PNLIPRP3: variants seen among roughly 807,000 people sequenced by gnomAD.
PNLIPRP3 encodes the protein pancreatic lipase related protein 3.
PNLIPRP3 carries 58 observed loss-of-function variants against 52.8 expected under a neutral mutation model. The observed-to-expected ratio is 1.10, with a 90% CI of 0.89 to 1.37. The LOEUF (loss-of-function observed/expected upper bound fraction) is 1.37, where lower values mean the gene tolerates loss of function less well. Ranked by LOEUF, PNLIPRP3 falls within the 40% of genes most tolerant of loss-of-function variation. The pLI, the probability that PNLIPRP3 is intolerant of heterozygous loss-of-function variation, is 0.00. For synonymous variants in PNLIPRP3, 192 were observed against 185.0 expected (o/e 1.04, Z -0.31); for missense variants, 593 against 561.6 (o/e 1.06, Z -0.57).
intron 8 of PNLIPRP3, among the ~76,000 whole-genome samples, chr10:116,468,508 A>G (rs1846316122): frequency 6.6e-6 from 1 of 152,146 alleles, no homozygotes; most frequent in African/African-American, 2.4e-5. Flanking sequence ...ATCAACATAA[A>G]TATCTCTACT....
intron 1 of PNLIPRP3, among the ~76,000 whole-genome samples, chr10:116,431,934 G>T (rs1269908156): frequency 6.6e-6 from 1 of 152,028 alleles, no homozygotes; most frequent in Non-Finnish European, 1.5e-5. Flanking sequence ...AGGTCTTGAT[G>T]CAAATGCTAC....
chr10:116,474,429 G>A (rs1450626958), intron 10 of PNLIPRP3, among the ~76,000 whole-genome samples: 2 of 152,078 alleles, frequency 1.3e-5, no homozygotes, highest in Admixed American at 6.6e-5. Flanking sequence ...CAATTGCAAC[G>A]AAAGCAAAAA....
chr10:116,473,799 G>A (rs2133160764), intron 10 of PNLIPRP3, among the ~76,000 whole-genome samples: 1 of 152,172 alleles, frequency 6.6e-6, no homozygotes, highest in East Asian at 1.9e-4. Flanking sequence ...GGTATTATAG[G>A]CCTGAGCCAC....
intron 10 of PNLIPRP3, 82 bp downstream of exon 10, chr10:116,471,961 A>C: frequency 2.5e-6 from 2 of 786,122 alleles, no homozygotes; most frequent in Non-Finnish European, 4.1e-6. Context: ...TAAGCTGTTT[A>C]GTCTTCTCTT....
intron 4 of PNLIPRP3, among the ~76,000 whole-genome samples, chr10:116,444,832 A>C (rs1845920875): frequency 6.6e-6 from 1 of 152,220 alleles, no homozygotes; most frequent in Admixed American, 6.5e-5. Context: ...CCTTAGAATT[A>C]TAAATTGTTA....
At chr10:116,434,668 T>C (rs1407864948) in intron 1 of PNLIPRP3, among the ~76,000 whole-genome samples, 1 of 152,124 alleles carries the variant, frequency 6.6e-6, no homozygotes, top group Non-Finnish European at 1.5e-5. Flanking sequence ...ATCTTCATTT[T>C]AAAATCCATA....
chr10:116,464,677 A>C (rs1846251932), intron 7 of PNLIPRP3, among the ~76,000 whole-genome samples: 1 of 152,202 alleles, frequency 6.6e-6, no homozygotes, highest in Non-Finnish European at 1.5e-5. Context: ...AAACTTGGAG[A>C]TGGCAGGAAC....
At chr10:116,445,002 G>A (rs2133123191) in intron 4 of PNLIPRP3, among the ~76,000 whole-genome samples, 1 of 152,244 alleles carries the variant, frequency 6.6e-6, no homozygotes, top group Admixed American at 6.5e-5. Context: ...TATTTATTAG[G>A]CCTATACTCT....
At chr10:116,437,370 C>T (rs1156496960) in intron 2 of PNLIPRP3, among the ~76,000 whole-genome samples, 2 of 151,992 alleles carry the variant, frequency 1.3e-5, no homozygotes, top group African/African-American at 4.8e-5. Flanking sequence ...TTGAGGAGGA[C>T]ATGTATTTGA....
intron 4 of PNLIPRP3, among the ~76,000 whole-genome samples, chr10:116,451,662 C>T (rs1465930147): frequency 6.6e-6 from 1 of 152,140 alleles, no homozygotes; most frequent in Non-Finnish European, 1.5e-5. Context: ...CTGCTCTTGC[C>T]ATGTGATACC....
intron 7 of PNLIPRP3, among the ~76,000 whole-genome samples, chr10:116,461,719 T>C (rs548594554): frequency 4.6e-5 from 7 of 152,200 alleles, no homozygotes. Context: ...AAATAAAGCA[T>C]TGAAGGGGAA....
chr10:116,454,980 C>T (rs999162617), intron 4 of PNLIPRP3, among the ~76,000 whole-genome samples: 1 of 152,192 alleles, frequency 6.6e-6, no homozygotes, highest in Non-Finnish European at 1.5e-5. Context: ...TCCATAGTGG[C>T]TATACCTATT....
In PNLIPRP3 at chr10:116,461,033, C is replaced by T. The variant is rs1846183969; in HGVS notation, c.633C>T (p.Ala211=). The part of the protein sequence containing the change: ...PKEVRLDPSD[A]NFVDVIHTNA... ...AAGTCAGGCTAGACCCCTCGGATGC[C>T]AACTTTGTTGACGTTATTCATACAA... The change falls in exon 6 of 12, where the codon GCC becomes GCT. Residue 211 remains alanine, a synonymous_variant. Coordinates refer to ENST00000369230, the MANE Select transcript of PNLIPRP3 (RefSeq NM_001011709.3). 1.2e-6 allele frequency: 2 copies of T among 1,613,838 alleles called. No individual in the cohort carries two copies. The highest frequency in any genetic ancestry group is 1.7e-6 in the Non-Finnish European group (2 of 1,180,046).
intron 2 of PNLIPRP3, chr10:116,439,680 C>T (rs907218177): frequency 3.1e-5 from 24 of 766,220 alleles, no homozygotes; most frequent in Non-Finnish European, 3.6e-5. Flanking sequence ...GCTTTTTTGC[C>T]ACGTCTCCAA....
At chr10:116,445,334 G>A (rs4751965) in intron 4 of PNLIPRP3, among the ~76,000 whole-genome samples, 5,808 of 152,244 alleles carry the variant, frequency 0.038, 270 homozygotes, top group African/African-American at 0.083. Context: ...ATGGAGAATG[G>A]CAGAAGCAGA....
At chr10:116,466,837 G>A (rs1462478764) in intron 8 of PNLIPRP3, among the ~76,000 whole-genome samples, 3 of 152,172 alleles carry the variant, frequency 2.0e-5, no homozygotes, top group Admixed American at 1.3e-4. Context: ...ATAGTACTTC[G>A]TGAATAAGTG....
intron 8 of PNLIPRP3, among the ~76,000 whole-genome samples, chr10:116,466,710 A>C (rs1846286673): frequency 1.3e-5 from 2 of 152,242 alleles, no homozygotes; most frequent in African/African-American, 4.8e-5. Context: ...AAAAGAAAGA[A>C]AATCTATTTT....
At chr10:116,451,978 T>C (rs1480355023) in intron 4 of PNLIPRP3, among the ~76,000 whole-genome samples, 2 of 152,182 alleles carry the variant, frequency 1.3e-5, no homozygotes, top group Non-Finnish European at 2.9e-5. Flanking sequence ...GAGGGAAAGT[T>C]TGAAACTTCT....
At chr10:116,456,033 G>T (rs1461425326) in intron 5 of PNLIPRP3, among the ~76,000 whole-genome samples, 1 of 152,222 alleles carries the variant, frequency 6.6e-6, no homozygotes, top group African/African-American at 2.4e-5. Flanking sequence ...GTTGTCTGTG[G>T]TGACAAAGTA....
Sources: gnomAD v4.1 joint callset for allele counts (sites outside exome capture counted in the v4.1 genomes callset) on GRCh38, gnomAD v4.1.1 for gene constraint, MANE v1.5 for transcripts, NCBI Gene and HGNC (gene_info 2026-07-23, HGNC 2026-07-21) for gene names.